The following MEF2C variants were observed in gnomAD, a reference collection of about 807,000 sequenced individuals.
MEF2C encodes the protein myocyte-specific enhancer factor 2C.
Under a neutral mutation model 50.5 loss-of-function variants are expected in MEF2C, and 6 were observed. That is an observed-to-expected ratio of 0.12 (90% confidence interval 0.07 to 0.23). The LOEUF (loss-of-function observed/expected upper bound fraction) is 0.23. MEF2C is among the 10% of genes least tolerant of loss of function. The pLI is 1.00. For synonymous variants in MEF2C, 183 were observed against 228.0 expected, an observed-to-expected ratio of 0.80 and a Z score of 1.78; for missense variants, 276 against 605.0, an observed-to-expected ratio of 0.46 and a Z score of 5.70.
At chr5:88,757,944 A>C (rs1383961136) in intron 4 of MEF2C, among the ~76,000 whole-genome samples, 1 of 151,950 alleles carries the variant, frequency 6.6e-6, no homozygotes, top group Non-Finnish European at 1.5e-5. Flanking sequence ...ATAAAATAAA[A>C]TAGAGGTCAT....
Position 88,846,016 on chromosome 5 carries a change from A to G in MEF2C, c.-142-22086T>C, listed in dbSNP as rs553423980. Among the ~76,000 whole-genome samples the G allele has an allele frequency of 1.5e-3, 229 of 152,164 alleles. 2 individuals are homozygous for G. The highest frequency in any genetic ancestry group is 2.6e-3 in the Admixed American group (40 of 15,272). Reference sequence around the variant, plus strand: ...TTATTAGAACTTTGTTAAAAGTGGTATAACATTCAATTACATATTTACTCC... The same window carrying G: ...TTATTAGAACTTTGTTAAAAGTGGTGTAACATTCAATTACATATTTACTCC... On this transcript the variant is annotated intron_variant, in intron 1 of 10. Transcript: ENST00000504921.
intron 1 of MEF2C, among the ~76,000 whole-genome samples, chr5:88,835,006 C>A (rs1401514658): frequency 6.6e-6 from 1 of 152,098 alleles, no homozygotes; most frequent in African/African-American, 2.4e-5. Flanking sequence ...AGGAATATAG[C>A]ATAATGCAAA....
intron 6 of MEF2C, chr5:88,741,453 T>A (rs1305259046): frequency 2.0e-6 from 2 of 985,290 alleles, no homozygotes; most frequent in Non-Finnish European, 2.4e-6. Flanking sequence ...TTGGTTGTTT[T>A]ATTTTTTTGA....
intron 3 of MEF2C, among the ~76,000 whole-genome samples, chr5:88,795,462 A>T (rs1023030972): frequency 6.6e-6 from 1 of 152,116 alleles, no homozygotes; most frequent in Non-Finnish European, 1.5e-5. Context: ...GGTGTATAGG[A>T]ATGCTTGTGA....
chr5:88,795,867 C>T (rs536697285), intron 3 of MEF2C, among the ~76,000 whole-genome samples: 34 of 152,230 alleles, frequency 2.2e-4, no homozygotes, highest in African/African-American at 7.7e-4. Context: ...TGAATTTTAT[C>T]GACGCCCTTT....
At chr5:88,753,634 G>A (rs1008111675) in intron 4 of MEF2C, among the ~76,000 whole-genome samples, 2 of 152,068 alleles carry the variant, frequency 1.3e-5, no homozygotes, top group African/African-American at 2.4e-5. Context: ...CAGGTGATCC[G>A]CCCACCTCGG....
chr5:88,761,471 G>C (rs1445624722), intron 3 of MEF2C, 143 bp from the exon 4 acceptor site: 3 of 1,009,800 alleles, frequency 3.0e-6, no homozygotes, highest in African/African-American at 3.2e-5. Flanking sequence ...ACAGATGAAA[G>C]CTGAGTCATT....
intron 1 of MEF2C, among the ~76,000 whole-genome samples, chr5:88,872,736 C>T (rs1829885732): frequency 1.3e-5 from 2 of 151,860 alleles, no homozygotes; most frequent in South Asian, 4.1e-4. Context: ...TTTTATAATT[C>T]CCATTTTACA....
In MEF2C at chr5:88,743,579, G is replaced by A. The variant is rs183195025; in HGVS notation, c.637+5491C>T. 2,693 of 978,090 alleles carry A rather than the reference G, an allele frequency of 2.8e-3. 10 individuals are homozygous for A. Among genetic ancestry groups the A allele is most frequent in the Non-Finnish European group, 2.9e-3 (2,359 of 823,300 alleles). 60.6% of individuals were successfully genotyped at this position (978,090 alleles called of 1,614,324 possible). A position where few individuals can be genotyped will look rare whatever the true frequency, so the allele number is the denominator to read the frequency against. On this transcript the variant is annotated intron_variant, in intron 6 of 10. Coordinates refer to ENST00000504921, the MANE Select transcript of MEF2C (RefSeq NM_002397.5). Reference sequence around the variant, plus strand: ...TGATTATATTATCATAAAACATTGCGTGTAAATGGATTGTAAAAATATTTG... The same window carrying A: ...TGATTATATTATCATAAAACATTGCATGTAAATGGATTGTAAAAATATTTG...
intron 1 of MEF2C, among the ~76,000 whole-genome samples, chr5:88,869,217 A>T (rs892157371): frequency 7.0e-6 from 1 of 143,226 alleles, no homozygotes; most frequent in Admixed American, 7.2e-5. Flanking sequence ...TGTATTTTGT[A>T]ATTTTTTCCT....
At chr5:88,815,699 T>G (rs1804995265) in intron 2 of MEF2C, among the ~76,000 whole-genome samples, 1 of 152,094 alleles carries the variant, frequency 6.6e-6, no homozygotes. Context: ...GATGCAAACT[T>G]TAAAAATACC....
chr5:88,835,813 TAAA>T (rs11417968), intron 1 of MEF2C, among the ~76,000 whole-genome samples: 6 of 115,338 alleles, frequency 5.2e-5, no homozygotes, highest in East Asian at 2.5e-4. Flanking sequence ...AACTCCATCT[TAAA>T]AAAAAAAAAA....
At chr5:88,815,535 T>A (rs984664416) in intron 2 of MEF2C, among the ~76,000 whole-genome samples, 4 of 152,150 alleles carry the variant, frequency 2.6e-5, no homozygotes, top group Non-Finnish European at 5.9e-5. Flanking sequence ...TGGTCCAACA[T>A]ATTTCAAAAG....
intron 1 of MEF2C, among the ~76,000 whole-genome samples, chr5:88,857,510 G>A (rs541076836): frequency 9.9e-5 from 15 of 152,250 alleles, no homozygotes; most frequent in African/African-American, 3.1e-4. Context: ...GAGGGGCCAG[G>A]GGAGAAATGA....
intron 3 of MEF2C, among the ~76,000 whole-genome samples, chr5:88,777,501 G>A (rs1423183344): frequency 6.6e-6 from 1 of 152,190 alleles, no homozygotes; most frequent in Non-Finnish European, 1.5e-5. Context: ...CCATGAATGA[G>A]CTCCAGAATT....
chr5:88,868,996 TAAG>T (rs1247439213), intron 1 of MEF2C, among the ~76,000 whole-genome samples: 1 of 151,802 alleles, frequency 6.6e-6, no homozygotes, highest in East Asian at 1.9e-4. Context: ...CTTTACGAAT[TAAG>T]AAAACTTACT....
At chr5:88,772,916 G>A in intron 3 of MEF2C, 1 of 985,448 alleles carries the variant, frequency 1.0e-6, no homozygotes, top group Non-Finnish European at 1.2e-6. Context: ...GGTTTTGCCT[G>A]AGCTTGTGAT....
chr5:88,870,494 C>G (rs968786981), intron 1 of MEF2C, among the ~76,000 whole-genome samples: 6 of 151,886 alleles, frequency 4.0e-5, no homozygotes, highest in African/African-American at 1.5e-4. Context: ...AGCCAGATGA[C>G]AGTGGAAAAA....
Position 88,728,479 on chromosome 5 carries a change from A to G in MEF2C, c.1100+14T>C. 1 of 1,429,324 alleles carries G rather than the reference A, an allele frequency of 7.0e-7. No individual in the cohort carries two copies. Among genetic ancestry groups the G allele is most frequent in the Non-Finnish European group, 9.2e-7 (1 of 1,086,668 alleles). 88.5% of individuals were successfully genotyped at this position (1,429,324 alleles called of 1,614,324 possible). ...ACATTCTAAAATTATATTATAAAAA[A>G]TAATATTGCTTACCCCAACTGACTG... is the stretch of plus-strand genomic sequence containing the variant. On this transcript the variant is annotated intron_variant, in intron 10 of 10. Coordinates refer to ENST00000504921, the MANE Select transcript of MEF2C (RefSeq NM_002397.5).
Sources: gnomAD v4.1 joint callset for allele counts (sites outside exome capture counted in the v4.1 genomes callset) on GRCh38, gnomAD v4.1.1 for gene constraint, MANE v1.5 for transcripts, NCBI Gene and HGNC (gene_info 2026-07-23, HGNC 2026-07-21) for gene names.